The following PEMT variants were observed in gnomAD, a reference collection of about 807,000 sequenced individuals.
PEMT encodes phospholipid methyltransferase.
Under a neutral mutation model 27.4 loss-of-function variants are expected in PEMT, and 23 were observed. The observed-to-expected ratio is 0.84, with a 90% CI of 0.60 to 1.19. The LOEUF is 1.19. PEMT is among the 50% of genes most tolerant of loss of function. PEMT has a pLI of 0.00. For missense variants in PEMT, 307 were observed against 310.1 expected, an observed-to-expected ratio of 0.99 and a Z score of 0.07; for synonymous variants, 137 against 139.1, an observed-to-expected ratio of 0.98 and a Z score of 0.11.
At chr17:17,570,825 G>T (rs968430531) in intron 2 of PEMT, 10 of 985,330 alleles carry the variant, frequency 1.0e-5, no homozygotes, top group Non-Finnish European at 1.2e-5. Flanking sequence ...CGGGGGTGAT[G>T]GCACGAAGCC....
intron 3 of PEMT, among the ~76,000 whole-genome samples, chr17:17,519,245 G>A (rs934213742): frequency 6.6e-6 from 1 of 151,736 alleles, no homozygotes; most frequent in African/African-American, 2.4e-5. Context: ...TGGAGGGGAA[G>A]AACAGTGGGG....
Position 17,582,204 on chromosome 17 carries a change from C to G in PEMT, c.97-5177G>C. ...GCTACCCAGTAATTCTAATGGAACC[C>G]CCACTCCAAGGCTCCAGGTTGCAGA... On this transcript the variant is annotated intron_variant, in intron 1 of 6. Transcript: ENST00000255389. The surrounding 1 kb of genome is among the most constrained non-coding windows in gnomAD (Gnocchi z 4.9). 2 of 908,498 alleles carry G rather than the reference C, an allele frequency of 2.2e-6. No individual in the cohort carries two copies. Among genetic ancestry groups the G allele is most frequent in the Non-Finnish European group, 2.6e-6 (2 of 759,708 alleles). 56.3% of individuals were successfully genotyped at this position (908,498 alleles called of 1,614,324 possible).
chr17:17,523,370 T>C lies in PEMT; in HGVS notation c.205-975A>G, dbSNP rs1044520089. Reference sequence around the variant, plus strand: ...CAAGTGGACCTGCCTTTCCCAGCAGTTGCGGCAGGAGAGTGATTAGCGATG... The same window carrying C: ...CAAGTGGACCTGCCTTTCCCAGCAGCTGCGGCAGGAGAGTGATTAGCGATG... On this transcript the variant is annotated intron_variant, in intron 2 of 6. Coordinates refer to ENST00000255389, the MANE Select transcript of PEMT (RefSeq NM_148172.3). The surrounding 1 kb of genome is among the most constrained non-coding windows in gnomAD (Gnocchi z 4.8). Among the ~76,000 whole-genome samples, 12 of 152,164 alleles carry C rather than the reference T, an allele frequency of 7.9e-5. No individual in the cohort carries two copies. The highest frequency in any genetic ancestry group is 7.2e-4 in the Admixed American group (11 of 15,272).
chr17:17,567,461 C>G (rs960866037), intron 2 of PEMT, among the ~76,000 whole-genome samples: 1 of 152,264 alleles, frequency 6.6e-6, no homozygotes, highest in African/African-American at 2.4e-5. Context: ...CCAGGGGCAG[C>G]AGGGCTGTTG....
At position 17,582,128 on chromosome 17, in the gene PEMT, C is replaced by T; in HGVS notation, c.97-5101G>A. 3.1e-6 allele frequency: 1 copy of T among 320,938 alleles called. No individual in the cohort carries two copies. Among genetic ancestry groups the T allele is most frequent in the Non-Finnish European group, 4.5e-6 (1 of 222,598 alleles). 19.9% of individuals were successfully genotyped at this position (320,938 alleles called of 1,614,324 possible). On this transcript the variant is annotated intron_variant, in intron 1 of 6. Transcript: ENST00000255389. The surrounding 1 kb of genome is among the most constrained non-coding windows in gnomAD (Gnocchi z 4.9). ...CACCTGTGACCAAAGGGCGGTCTCC[C>T]ATCCACTCCCAGCCCCAACCTCCTT...
At chr17:17,527,818 C>A (rs73296530) in intron 2 of PEMT, among the ~76,000 whole-genome samples, 2,228 of 152,352 alleles carry the variant, frequency 0.015, 63 homozygotes, top group African/African-American at 0.051. Context: ...CTGTGCCACA[C>A]TGGGCTCGCC....
chr17:17,575,384 C>A (rs1911507843), intron 2 of PEMT, among the ~76,000 whole-genome samples: 1 of 152,218 alleles, frequency 6.6e-6, no homozygotes, highest in South Asian at 2.1e-4. Context: ...TGTGTGTGTG[C>A]CATATAAGAG....
At chr17:17,585,678 T>C (rs1912205153) in intron 1 of PEMT, among the ~76,000 whole-genome samples, 1 of 152,214 alleles carries the variant, frequency 6.6e-6, no homozygotes, top group African/African-American at 2.4e-5. Context: ...ATAAAACCTT[T>C]AGAAGGAAAG....
rs898153109 is a variant in PEMT at position 17,582,745 on chromosome 17, G to A, written c.97-5718C>T. Among the ~76,000 whole-genome samples the A allele has an allele frequency of 2.6e-5, 4 of 152,226 alleles. No homozygotes were observed. The highest frequency in any genetic ancestry group is 2.6e-4 in the Admixed American group (4 of 15,278). On this transcript the variant is annotated intron_variant, in intron 1 of 6. Transcript: ENST00000255389. The surrounding 1 kb of genome is among the most constrained non-coding windows in gnomAD (Gnocchi z 4.9). ...GCCTGGCACAAAGACATAAGGATGA[G>A]TGTGCCAGAGTCTTTTTCCTCTAAG...
intron 2 of PEMT, among the ~76,000 whole-genome samples, chr17:17,539,615 G>A (rs1208488448): frequency 6.6e-6 from 1 of 152,234 alleles, no homozygotes; most frequent in Non-Finnish European, 1.5e-5. Context: ...GTGGGATTTT[G>A]CTACTGTGTA....
chr17:17,584,704 A>T (rs1437598695), intron 1 of PEMT, among the ~76,000 whole-genome samples: 1 of 152,220 alleles, frequency 6.6e-6, no homozygotes, highest in Non-Finnish European at 1.5e-5. Flanking sequence ...TATTTTGAAG[A>T]CAATAGTAAC....
At chr17:17,555,828 A>G (rs1394559166) in intron 2 of PEMT, among the ~76,000 whole-genome samples, 1 of 152,150 alleles carries the variant, frequency 6.6e-6, no homozygotes, top group East Asian at 1.9e-4. Flanking sequence ...TCCTCTGAAT[A>G]TGGCATCTGG....
At chr17:17,553,808 A>T (rs1437434386) in intron 2 of PEMT, among the ~76,000 whole-genome samples, 2 of 152,232 alleles carry the variant, frequency 1.3e-5, no homozygotes, top group Admixed American at 1.3e-4. Flanking sequence ...TTCTCTGGAC[A>T]ACTCTCCTCA....
intron 2 of PEMT, among the ~76,000 whole-genome samples, chr17:17,534,576 C>T (rs1341699211): frequency 6.6e-6 from 1 of 152,222 alleles, no homozygotes; most frequent in African/African-American, 2.4e-5. Flanking sequence ...TGCCTGTAAT[C>T]CCAACACTCT....
rs1369831967 is a variant in PEMT, at chr17:17,512,840, G to T, written c.321-186C>A. Among the ~76,000 whole-genome samples the T allele has an allele frequency of 6.6e-6, 1 of 152,180 alleles. No individual in the cohort carries two copies. Among genetic ancestry groups the T allele is most frequent in the Admixed American group, 6.5e-5 (1 of 15,288 alleles). On this transcript the variant is annotated intron_variant, in intron 3 of 6. Transcript: ENST00000255389. This position sits in a 1 kb window ranked among gnomAD's most constrained non-coding sequence, Gnocchi z 6.3. The stretch of plus-strand genomic sequence containing the variant: ...CCTGGGAGGTGGGTGACAGTAACAG[G>T]GAGGGGCCCAGGCCTGTCAGATTTT...
chr17:17,576,408 C>T (rs917336449), intron 2 of PEMT, among the ~76,000 whole-genome samples: 1 of 152,224 alleles, frequency 6.6e-6, no homozygotes, highest in Non-Finnish European at 1.5e-5. Context: ...CTTGCTCCTG[C>T]CACCCAGCTC....
chr17:17,541,475 C>T (rs1248906898), intron 2 of PEMT, among the ~76,000 whole-genome samples: 2 of 152,232 alleles, frequency 1.3e-5, no homozygotes, highest in African/African-American at 2.4e-5. Context: ...CCAAGACCAC[C>T]GGCCGCAGCA....
chr17:17,553,183 AGGCCCCAAAGTTTGG>A (rs1909785698), intron 2 of PEMT, among the ~76,000 whole-genome samples: 1 of 152,104 alleles, frequency 6.6e-6, no homozygotes, highest in African/African-American at 2.4e-5. Context: ...TCCTCTATTC[AGGCCCCAAAGTTTGG>A]GGCAGGGACA....
rs145452046 is a variant in PEMT, at chr17:17,589,791, T to C, written c.96+1740A>G. Among the ~76,000 whole-genome samples, 12 of 152,252 alleles carry C rather than the reference T, an allele frequency of 7.9e-5. No individual in the cohort carries two copies. The East Asian group carries it at 2.3e-3, about 29-fold the overall frequency. Reference sequence around the variant, plus strand: ...TCTTTCTTTCTTTCTTTAAGAAAAATCCCTTGGCAACAGGAAGCTTAACTG... The same window carrying C: ...TCTTTCTTTCTTTCTTTAAGAAAAACCCCTTGGCAACAGGAAGCTTAACTG... On this transcript the variant is annotated intron_variant, in intron 1 of 6. Transcript: ENST00000255389.
Sources: gnomAD v4.1 joint callset for allele counts (sites outside exome capture counted in the v4.1 genomes callset) on GRCh38, gnomAD v4.1.1 for gene constraint, Gnocchi (gnomAD v3.1) non-coding constraint, MANE v1.5 for transcripts, NCBI Gene and HGNC (gene_info 2026-07-23, HGNC 2026-07-21) for gene names.